ATP7A: variants seen among roughly 807,000 people sequenced by gnomAD.
ATP7A encodes the protein copper-transporting ATPase 1.
Under a neutral mutation model 83.5 loss-of-function variants are expected in ATP7A, and 7 were observed. That is an observed-to-expected ratio of 0.08 (90% confidence interval 0.05 to 0.16). The LOEUF (loss-of-function observed/expected upper bound fraction) is 0.16. Ranked by LOEUF, ATP7A falls within the 10% of genes least tolerant of loss-of-function variation. ATP7A has a pLI of 1.00. For synonymous variants in ATP7A, 354 were observed against 395.2 expected (o/e 0.90, Z 1.24); for missense variants, 940 against 1,120.8 (o/e 0.84, Z 2.30).
intron 1 of ATP7A, among the ~76,000 whole-genome samples, chrX:77,922,206 G>T (rs909893083): frequency 9.2e-6 from 1 of 108,457 alleles, no homozygotes; most frequent in Non-Finnish European, 1.9e-5. Context: ...TATCATTTTT[G>T]TTAAAAATGT....
chrX:78,036,896 G>A (rs1007420521), intron 17 of ATP7A, among the ~76,000 whole-genome samples: 1 of 111,499 alleles, frequency 9.0e-6, no homozygotes, highest in African/African-American at 3.3e-5. Context: ...CAGTATAGCA[G>A]AGGTTGTAAG....
At chrX:78,009,065 G>A (rs2077798468) in intron 6 of ATP7A, 37 bp from the exon 7 acceptor site, 2 of 1,135,235 alleles carry the variant, frequency 1.8e-6, no homozygotes, top group African/African-American at 1.8e-5. Context: ...GGTGGAAAAA[G>A]TATATTCCTG....
At chrX:77,970,648 C>T (rs1157619478) in intron 1 of ATP7A, among the ~76,000 whole-genome samples, 9 of 111,214 alleles carry the variant, frequency 8.1e-5, no homozygotes, top group Non-Finnish European at 1.3e-4. Context: ...CTCCAGCCTG[C>T]GAGACAGAAT....
At chrX:78,028,627 G>T (rs1187719172) in intron 14 of ATP7A, among the ~76,000 whole-genome samples, 2 of 112,276 alleles carry the variant, frequency 1.8e-5, no homozygotes, top group African/African-American at 3.2e-5. Context: ...ATGTGAGCCC[G>T]TGCACAGACC....
At chrX:78,011,404 C>T (rs2077824369) in intron 8 of ATP7A, 45 bp from the exon 9 acceptor site, 1 of 1,115,582 alleles carries the variant, frequency 9.0e-7, no homozygotes, top group South Asian at 1.8e-5. Context: ...TACCCATTAG[C>T]TATTTATGAC....
At chrX:77,940,994 C>T (rs782663489) in intron 1 of ATP7A, among the ~76,000 whole-genome samples, 35 of 111,600 alleles carry the variant, frequency 3.1e-4, no homozygotes, top group Admixed American at 5.7e-4. Flanking sequence ...TTAAGAAGTA[C>T]TATTTATATT....
chrX:78,040,881 G>C (rs782727622), intron 19 of ATP7A, 148 bp downstream of exon 19: 120 of 752,947 alleles, frequency 1.6e-4, no homozygotes, highest in Non-Finnish European at 2.2e-4. Context: ...ACCATGCTTT[G>C]CTGGAAAGAC....
intron 1 of ATP7A, among the ~76,000 whole-genome samples, chrX:77,956,624 T>C (rs1176464185): frequency 9.0e-6 from 1 of 111,489 alleles, no homozygotes; most frequent in Non-Finnish European, 1.9e-5. Context: ...CAAAAGCTCC[T>C]TGAGGCTTCA....
intron 1 of ATP7A, among the ~76,000 whole-genome samples, chrX:77,958,785 G>GTTTTTT (rs1312033727): frequency 1.2e-5 from 1 of 84,440 alleles, no homozygotes; most frequent in Non-Finnish European, 2.4e-5. Flanking sequence ...ATGTTTTATA[G>GTTTTTT]TTTTTTTTTT....
intron 1 of ATP7A, among the ~76,000 whole-genome samples, chrX:77,931,636 C>CG (rs1360880318): frequency 1.0e-5 from 1 of 98,152 alleles, no homozygotes; most frequent in Non-Finnish European, 2.1e-5. Context: ...GCTGGCCGGG[C>CG]GGGGGGCTGA....
chrX:77,988,129 A>G (rs1210944280), intron 2 of ATP7A, 113 bp from the exon 3 acceptor site: 1 of 832,326 alleles, frequency 1.2e-6, no homozygotes, highest in Non-Finnish European at 1.7e-6. Flanking sequence ...TAATAGGGAA[A>G]CTCCATTAGA....
chrX:78,043,657 CTT>C (rs781972709), intron 21 of ATP7A, among the ~76,000 whole-genome samples: 7 of 93,784 alleles, frequency 7.5e-5, no homozygotes, highest in Admixed American at 1.2e-4. Context: ...TTCCCTCCAA[CTT>C]TTTTTTTTTT....
chrX:78,015,652 A>T, intron 11 of ATP7A, 102 bp from the exon 12 acceptor site: 1 of 1,069,061 alleles, frequency 9.4e-7, no homozygotes, highest in Non-Finnish European at 1.3e-6. Context: ...CATTGGCAGT[A>T]ATTATGGAGC....
chrX:77,997,025 A>G (rs909936727), intron 4 of ATP7A, among the ~76,000 whole-genome samples: 1 of 112,045 alleles, frequency 8.9e-6, no homozygotes, highest in Non-Finnish European at 1.9e-5. Flanking sequence ...ATCTTTCTGA[A>G]GTGATTCAAT....
At chrX:77,982,780 G>C (rs2077611999) in intron 2 of ATP7A, among the ~76,000 whole-genome samples, 1 of 112,006 alleles carries the variant, frequency 8.9e-6, no homozygotes, top group South Asian at 3.7e-4. Context: ...TTCTTGTTGG[G>C]TTCCTTGGGC....
intron 12 of ATP7A, 40 bp from the exon 13 acceptor site, chrX:78,020,204 T>C (rs782295293): frequency 6.0e-6 from 7 of 1,173,576 alleles, no homozygotes; most frequent in Admixed American, 2.2e-5. Context: ...ATGATAGTGA[T>C]CATTTATGCT....
chrX:77,975,951 A>G (rs187341244), intron 2 of ATP7A: 5 of 111,860 alleles, frequency 4.5e-5, no homozygotes, highest in East Asian at 2.8e-4. Context: ...TGGTAATTCT[A>G]TTTGCTGGAG....
intron 1 of ATP7A, among the ~76,000 whole-genome samples, chrX:77,958,059 G>T (rs782374346): frequency 3.1e-4 from 34 of 109,994 alleles, no homozygotes; most frequent in South Asian, 7.8e-4. Context: ...ATGGTGGGGG[G>T]TTTTTTTTGT....
chrX:78,013,005 G>C lies in ATP7A; in HGVS notation c.2299G>C (p.Val767Leu), dbSNP rs2227291. 265,311 of 1,207,893 alleles carry C rather than the reference G, an allele frequency of 0.22. 20,220 individuals carry two copies. The highest frequency in any genetic ancestry group is 0.38 in the South Asian group (21,374 of 56,751). Residue 767 changes from valine to leucine, a missense_variant, in exon 10 of 23, where the codon GTT (valine) becomes CTT (leucine). Around this residue, in one of 3 missense-constraint regions of ATP7A, gnomAD observed 204 missense variants for 185.8 expected, o/e 1.10. Coordinates refer to ENST00000341514, the MANE Select transcript of ATP7A (RefSeq NM_000052.7). ...TGCCTACTCTTTGATTATTCTTCTAGTTGCAATGTATGAGAGAGCCAAAGT... is the reference window on the plus strand; with the variant it reads ...TGCCTACTCTTTGATTATTCTTCTACTTGCAATGTATGAGAGAGCCAAAGT... Reference protein sequence around the residue: ...AFAYSLIILLVAMYERAKVNP... With the variant: ...AFAYSLIILLLAMYERAKVNP...
Sources: gnomAD v4.1 joint callset for allele counts (sites outside exome capture counted in the v4.1 genomes callset) on GRCh38, gnomAD v4.1.1 for gene constraint, gnomAD v4.1.1 regional missense constraint, MANE v1.5 for transcripts, NCBI Gene and HGNC (gene_info 2026-07-23, HGNC 2026-07-21) for gene names.